CHN1: variants seen among roughly 807,000 people sequenced by gnomAD.
The protein encoded by CHN1 is chimerin 1.
A neutral mutation model predicts 59.5 loss-of-function variants in CHN1; 37 were observed. The ratio of observed to expected loss-of-function variants is 0.62; its 90% CI spans 0.48 to 0.82. The LOEUF is 0.82. CHN1 is among the 40% of genes least tolerant of loss of function. CHN1 has a pLI of 0.00. For synonymous variants in CHN1, 206 were observed against 200.4 expected (o/e 1.03, Z -0.24); for missense variants, 469 against 571.0 (o/e 0.82, Z 1.82).
chr2:174,821,811 T>G, intron 8 of CHN1: 2 of 410,566 alleles, frequency 4.9e-6, no homozygotes, highest in South Asian at 1.8e-5. Flanking sequence ...TATTTACAAA[T>G]TACCCAGTCT....
At chr2:174,851,572 G>A (rs929244075) in intron 6 of CHN1, among the ~76,000 whole-genome samples, 3 of 152,178 alleles carry the variant, frequency 2.0e-5, no homozygotes, top group Non-Finnish European at 4.4e-5. Flanking sequence ...GTGAGCCATC[G>A]CACCCAGTGA....
chr2:174,944,826 G>C, intron 3 of CHN1, 62 bp downstream of exon 3: 3 of 1,186,968 alleles, frequency 2.5e-6, no homozygotes, highest in Non-Finnish European at 3.7e-6. Context: ...ACTGAAGAAG[G>C]TGAAAGTTTG....
intron 7 of CHN1, among the ~76,000 whole-genome samples, chr2:174,834,841 TGTGA>T (rs1479722453): frequency 1.3e-5 from 2 of 152,196 alleles, no homozygotes; most frequent in Non-Finnish European, 2.9e-5. Flanking sequence ...TATTCTTGAG[TGTGA>T]GTATGCACAT....
At position 174,857,944 on chromosome 2, in the gene CHN1, TA is replaced by T. The variant is rs1307543279; in HGVS notation, c.550-10988del. 4.6e-5 allele frequency among the ~76,000 whole-genome samples: 7 copies of T among 152,240 alleles called. No individual in the cohort carries two copies. In the East Asian group the frequency reaches 5.8e-4, roughly 13 times the overall value. The stretch of plus-strand genomic sequence containing the variant: ...AAAGCTTTTGGATATAATATACATA[TA>T]AAAAATACAACTAAAAGGCAGACTC... On this transcript the variant is annotated intron_variant, in intron 6 of 12. Transcript: ENST00000409900.
At chr2:174,987,407 T>C (rs1264966390) in intron 1 of CHN1, among the ~76,000 whole-genome samples, 3 of 122,648 alleles carry the variant, frequency 2.4e-5, no homozygotes, top group Non-Finnish European at 3.5e-5. Context: ...CTCTTTTTTC[T>C]TTTTTTTTTT....
intron 5 of CHN1, among the ~76,000 whole-genome samples, chr2:174,895,295 C>T (rs1306586209): frequency 3.3e-5 from 5 of 151,608 alleles, no homozygotes; most frequent in African/African-American, 4.9e-5. Context: ...TGCTACAACA[C>T]GGATGAACCG....
Position 174,800,307 on chromosome 2 carries a change from G to T in CHN1, c.1209-20C>A. 3 of 1,418,814 alleles carry T rather than the reference G, an allele frequency of 2.1e-6. No individual in the cohort carries two copies. The highest frequency in any genetic ancestry group is 2.8e-6 in the Non-Finnish European group (3 of 1,083,188). 87.9% of individuals were successfully genotyped at this position (1,418,814 alleles called of 1,614,324 possible). On this transcript the variant is annotated intron_variant, in intron 12 of 12. Transcript: ENST00000409900. ...GTCACTCTGAAAAATGCAAGTACAG[G>T]AATAAATGACTTTGTGTAAGCCATA...
chr2:174,863,742 C>T (rs1382976729), intron 6 of CHN1, among the ~76,000 whole-genome samples: 1 of 152,098 alleles, frequency 6.6e-6, no homozygotes, highest in Non-Finnish European at 1.5e-5. Context: ...AACAGAATCA[C>T]ACATGTGATA....
At chr2:174,955,345 A>C (rs566899046) in intron 1 of CHN1, among the ~76,000 whole-genome samples, 1 of 152,020 alleles carries the variant, frequency 6.6e-6, no homozygotes, top group East Asian at 1.9e-4. Flanking sequence ...ACTTACCCAG[A>C]TGGAATTGGA....
intron 2 of CHN1, among the ~76,000 whole-genome samples, chr2:174,948,899 A>G (rs1689929171): frequency 6.6e-6 from 1 of 152,212 alleles, no homozygotes; most frequent in African/African-American, 2.4e-5. Context: ...GAAGCATTAC[A>G]GTTTGTCGGT....
intron 5 of CHN1, among the ~76,000 whole-genome samples, chr2:174,880,837 C>T (rs1041557426): frequency 2.6e-5 from 4 of 152,152 alleles, no homozygotes; most frequent in Middle Eastern, 6.8e-3. Flanking sequence ...CACCTGAGGT[C>T]GGGAGTTTGA....
chr2:174,919,275 A>G (rs1678264383), intron 3 of CHN1, among the ~76,000 whole-genome samples: 2 of 152,226 alleles, frequency 1.3e-5, no homozygotes, highest in African/African-American at 2.4e-5. Context: ...AGTAAGTACT[A>G]TAATGAAAAT....
chr2:174,958,113 C>A (rs1238024434), intron 1 of CHN1, among the ~76,000 whole-genome samples: 1 of 129,292 alleles, frequency 7.7e-6, no homozygotes, highest in African/African-American at 3.0e-5. Context: ...GCCTGGGCAC[C>A]AAGGAAGGAA....
At chr2:174,946,811 C>T (rs929230131) in intron 2 of CHN1, among the ~76,000 whole-genome samples, 1 of 150,526 alleles carries the variant, frequency 6.6e-6, no homozygotes, top group African/African-American at 2.4e-5. Flanking sequence ...CACTTGTAAT[C>T]CCAGCACTTT....
intron 7 of CHN1, among the ~76,000 whole-genome samples, chr2:174,843,373 G>A (rs572982485): frequency 6.6e-6 from 1 of 152,160 alleles, no homozygotes; most frequent in Admixed American, 6.5e-5. Context: ...CAGAGGAGCT[G>A]GGACTACAGT....
intron 4 of CHN1, among the ~76,000 whole-genome samples, chr2:174,917,324 C>G (rs562955352): frequency 1.3e-5 from 2 of 151,676 alleles, no homozygotes; most frequent in African/African-American, 4.8e-5. Context: ...ATCCCAGTTA[C>G]CTGGGAGGCT....
chr2:174,805,699 C>A (rs569927688), intron 11 of CHN1, among the ~76,000 whole-genome samples: 108 of 152,108 alleles, frequency 7.1e-4, no homozygotes, highest in Non-Finnish European at 1.4e-3. Flanking sequence ...AGACTCTAAG[C>A]CCATAAAGAT....
chr2:174,811,652 A>T lies in CHN1; in HGVS notation c.887-64T>A, dbSNP rs578077886. 14 of 960,762 alleles carry T rather than the reference A, an allele frequency of 1.5e-5. No individual in the cohort carries two copies. In the South Asian group the frequency reaches 2.2e-4, roughly 15 times the overall value. 59.5% of individuals were successfully genotyped at this position (960,762 alleles called of 1,614,324 possible). ...TTTTCTTCAGATTTTAACTCCTCAC[A>T]CTTTAAGCTGGGAGGTAATGTGTCA... is the stretch of plus-strand genomic sequence containing the variant. On this transcript the variant is annotated intron_variant, in intron 9 of 12. Transcript: ENST00000409900.
Position 174,978,050 on chromosome 2 carries a change from A to C in CHN1, c.20-25848T>G, listed in dbSNP as rs955715501. Among the ~76,000 whole-genome samples, 6 of 152,258 alleles carry C rather than the reference A, an allele frequency of 3.9e-5. No individual in the cohort carries two copies. The East Asian group carries it at 5.8e-4, about 15-fold the overall frequency. On this transcript the variant is annotated intron_variant, in intron 1 of 12. Coordinates refer to ENST00000409900, the MANE Select transcript of CHN1 (RefSeq NM_001822.7). ...ATAAAGATTTAGAACTGTTCAAAAA[A>C]GAAACTCAAAAATTAATATTGGGCA...
Sources: gnomAD v4.1 joint callset for allele counts (sites outside exome capture counted in the v4.1 genomes callset) on GRCh38, gnomAD v4.1.1 for gene constraint, MANE v1.5 for transcripts, NCBI Gene and HGNC (gene_info 2026-07-23, HGNC 2026-07-21) for gene names.